The following FAM86B1 variants were observed in gnomAD, a reference collection of about 807,000 sequenced individuals.
The protein encoded by FAM86B1 is putative protein N-methyltransferase FAM86B1.
For synonymous variants in FAM86B1, 4 were observed against 137.6 expected, an observed-to-expected ratio of 0.03 and a Z score of 6.79; for missense variants, 13 against 328.1, an observed-to-expected ratio of 0.04 and a Z score of 7.42.
At position 12,182,731 on chromosome 8, in the gene FAM86B1, G is replaced by C; in HGVS notation, c.*875C>G. On this transcript the variant is annotated 3_prime_UTR_variant, in exon 7 of 7. Coordinates refer to ENST00000448228, the MANE Select transcript of FAM86B1 (RefSeq NM_001083537.4). ...TTATGGACACATAACTCCTGGGCCA[G>C]AGGCTAAAACCCCAGGGCCCCTGCT... is the stretch of plus-strand genomic sequence containing the variant. 1 of 1,583,456 alleles carries C rather than the reference G, an allele frequency of 6.3e-7. No individual in the cohort carries two copies. Among genetic ancestry groups the C allele is most frequent in the Non-Finnish European group, 8.5e-7 (1 of 1,170,946 alleles).
At position 12,193,287 on chromosome 8, in the gene FAM86B1, C is replaced by T. The variant is rs1255978070; in HGVS notation, c.96+688G>A. ...TAACACAAATGATTAAGCAACACCCCATAAAATGGGGCAGACCCAGGGAGG... is the reference window on the plus strand; with the variant it reads ...TAACACAAATGATTAAGCAACACCCTATAAAATGGGGCAGACCCAGGGAGG... On this transcript the variant is annotated intron_variant, in intron 1 of 6. Coordinates refer to ENST00000448228, the MANE Select transcript of FAM86B1 (RefSeq NM_001083537.4). Among the ~76,000 whole-genome samples, 10 of 145,770 alleles carry T rather than the reference C, an allele frequency of 6.9e-5. 1 individual carries two copies. The highest frequency in any genetic ancestry group is 1.3e-4 in the Non-Finnish European group (9 of 67,668).
intron 6 of FAM86B1, 99 bp downstream of exon 6, chr8:12,185,277 A>G (rs1303089859): frequency 1.3e-6 from 2 of 1,532,052 alleles, no homozygotes; most frequent in Non-Finnish European, 1.8e-6. Flanking sequence ...AGTGTGGAGC[A>G]TCCTAGCTTT....
intron 2 of FAM86B1, among the ~76,000 whole-genome samples, chr8:12,191,145 T>A (rs1806805173): frequency 8.8e-6 from 1 of 113,318 alleles, no homozygotes; most frequent in South Asian, 3.0e-4. Context: ...GCGTGGAGGA[T>A]GTCTGCCTCC....
chr8:12,189,273 A>C lies in FAM86B1; in HGVS notation c.240+535T>G, dbSNP rs1480802000. Reference sequence around the variant, plus strand: ...AAAAAAATATATAAATAAATAAATAAATAAATAAATAAATAAATAAATAAA... The same window carrying C: ...AAAAAAATATATAAATAAATAAATACATAAATAAATAAATAAATAAATAAA... On this transcript the variant is annotated intron_variant, in intron 3 of 6. Transcript: ENST00000448228. Among the ~76,000 whole-genome samples the C allele has an allele frequency of 2.7e-4, 12 of 45,140 alleles. No homozygotes were observed. The South Asian group carries it at 8.4e-3, about 32-fold the overall frequency. The allele number at this position is 45,140 out of a possible 152,430, so 29.6% of individuals were successfully genotyped here.
chr8:12,184,010 C>T (rs1385445015), intron 6 of FAM86B1, among the ~76,000 whole-genome samples: 46 of 50,196 alleles, frequency 9.2e-4, no homozygotes, highest in African/African-American at 6.0e-3. Context: ...TCCCTGGCTG[C>T]TCAGTCAACT....
chr8:12,192,965 A>G lies in FAM86B1; in HGVS notation c.96+1010T>C, dbSNP rs1488286707. On this transcript the variant is annotated intron_variant, in intron 1 of 6. Transcript: ENST00000448228. Reference sequence around the variant, plus strand: ...CACTTGCCCAAGGTCACACAGGGCCAGGGGTTGGGCCAGGATTCGAAGCAG... The same window carrying G: ...CACTTGCCCAAGGTCACACAGGGCCGGGGGTTGGGCCAGGATTCGAAGCAG... 9.0e-3 allele frequency among the ~76,000 whole-genome samples: 1,292 copies of G among 142,872 alleles called. 4 individuals are homozygous for G. The highest frequency in any genetic ancestry group is 0.036 in the African/African-American group (1,226 of 33,874). The allele number at this position is 142,872 out of a possible 152,430, so 93.7% of individuals were successfully genotyped here. A position where few individuals can be genotyped will look rare whatever the true frequency, so the allele number is the denominator to read the frequency against.
chr8:12,185,631 A>C, intron 5 of FAM86B1, 106 bp from the exon 6 acceptor site: 1 of 832,716 alleles, frequency 1.2e-6, no homozygotes, highest in Admixed American at 2.7e-5. Context: ...ATATGAGACT[A>C]TTAGATGCCA....
intron 2 of FAM86B1, among the ~76,000 whole-genome samples, chr8:12,191,004 A>C (rs1426190182): frequency 6.7e-6 from 1 of 148,636 alleles, no homozygotes; most frequent in Non-Finnish European, 1.5e-5. Context: ...TCCATGCTCG[A>C]AGCCCTGACC....
chr8:12,192,720 A>G (rs1413894434), intron 1 of FAM86B1, among the ~76,000 whole-genome samples: 1 of 136,946 alleles, frequency 7.3e-6, no homozygotes. Flanking sequence ...AGCCTCATCT[A>G]TCATGGGTAC....
intron 3 of FAM86B1, among the ~76,000 whole-genome samples, chr8:12,187,116 C>G (rs1328656777): frequency 7.0e-5 from 1 of 14,238 alleles, no homozygotes; most frequent in East Asian, 8.6e-3. Context: ...TGGCCAGGGG[C>G]CAGGTGTGGC....
intron 2 of FAM86B1, among the ~76,000 whole-genome samples, chr8:12,191,081 A>G (rs1806785423): frequency 7.3e-6 from 1 of 137,914 alleles, no homozygotes; most frequent in Non-Finnish European, 1.5e-5. Flanking sequence ...ATCTTGGTTC[A>G]TCTCTAGCAC....
chr8:12,191,126 G>T (rs1806797133), intron 2 of FAM86B1, among the ~76,000 whole-genome samples: 3 of 129,622 alleles, frequency 2.3e-5, no homozygotes, highest in Non-Finnish European at 4.8e-5. Context: ...GGATGGGCTG[G>T]GTGGGTGGGC....
chr8:12,191,076 G>T (rs1458491776), intron 2 of FAM86B1, among the ~76,000 whole-genome samples: 4 of 145,508 alleles, frequency 2.7e-5, no homozygotes, highest in African/African-American at 5.2e-5. Context: ...GGATAATCTT[G>T]GTTCATCTCT....
At chr8:12,189,370 T>C (rs1191170293) in intron 3 of FAM86B1, among the ~76,000 whole-genome samples, 1 of 118,066 alleles carries the variant, frequency 8.5e-6, no homozygotes, top group Non-Finnish European at 1.6e-5. Context: ...TGCAGAGAAT[T>C]CACCAGAGGA....
chr8:12,193,406 G>T (rs1422260085), intron 1 of FAM86B1, among the ~76,000 whole-genome samples: 6 of 138,944 alleles, frequency 4.3e-5, no homozygotes, highest in Non-Finnish European at 9.0e-5. Context: ...GCAGAAGGGA[G>T]GCTGCTGCCT....
intron 1 of FAM86B1, among the ~76,000 whole-genome samples, chr8:12,192,973 G>T (rs1328676530): frequency 1.4e-5 from 2 of 144,350 alleles, no homozygotes; most frequent in Non-Finnish European, 3.0e-5. Flanking sequence ...CCAGGGGTTG[G>T]GCCAGGATTC....
intron 2 of FAM86B1, among the ~76,000 whole-genome samples, chr8:12,191,022 T>A (rs1224750146): frequency 6.7e-6 from 1 of 149,242 alleles, no homozygotes; most frequent in Non-Finnish European, 1.5e-5. Context: ...ACCTACTGTA[T>A]TGCCCCGAAA....
intron 3 of FAM86B1, chr8:12,188,480 A>AAG: frequency 1.9e-6 from 1 of 528,012 alleles, no homozygotes; most frequent in South Asian, 1.8e-5. Context: ...GGCTTTCAAC[A>AAG]AGAGGTGTTG....
chr8:12,189,303 T>A (rs1346598895), intron 3 of FAM86B1, among the ~76,000 whole-genome samples: 109 of 67,834 alleles, frequency 1.6e-3, no homozygotes, highest in Non-Finnish European at 2.4e-3. Flanking sequence ...AATAAATAAG[T>A]AAAAAATAAA....
Sources: allele counts gnomAD v4.1 joint callset (sites outside exome capture counted in the v4.1 genomes callset), GRCh38; gene constraint gnomAD v4.1.1; transcripts MANE v1.5; gene names NCBI Gene and HGNC (gene_info 2026-07-23, HGNC 2026-07-21).